NAALADL2: variants seen among roughly 807,000 people sequenced by gnomAD.
NAALADL2 encodes the protein N-acetylated alpha-linked acidic dipeptidase like 2, also known as inactive N-acetylated-alpha-linked acidic dipeptidase-like protein 2.
A neutral mutation model predicts 87.2 loss-of-function variants in NAALADL2; 76 were observed. The ratio of observed to expected loss-of-function variants is 0.87; its 90% CI spans 0.72 to 1.05. NAALADL2 has a LOEUF of 1.05. Ranked by LOEUF, NAALADL2 falls within the 50% of genes least tolerant of loss-of-function variation. The probability of loss-of-function intolerance (pLI) is 0.00; values close to 1 mark genes in which losing one functional copy is unlikely to be tolerated. For missense variants in NAALADL2, 1,089 were observed against 945.8 expected, an observed-to-expected ratio of 1.15 and a Z score of -1.99; for synonymous variants, 354 against 331.0, an observed-to-expected ratio of 1.07 and a Z score of -0.75.
chr3:175,209,280 GA>G (rs910779828), intron 2 of NAALADL2, among the ~76,000 whole-genome samples: 5 of 151,662 alleles, frequency 3.3e-5, no homozygotes, highest in African/African-American at 4.8e-5. Flanking sequence ...GATAAAAGCA[GA>G]AAAAAAAGCA....
At chr3:174,776,547 T>A (rs1232131894) in intron 3 of NAALADL2, among the ~76,000 whole-genome samples, 1 of 152,114 alleles carries the variant, frequency 6.6e-6, no homozygotes, top group African/African-American at 2.4e-5. Context: ...TCATTGTGAA[T>A]TAGGAAACTA....
intron 5 of NAALADL2, among the ~76,000 whole-genome samples, chr3:175,426,328 A>G (rs747979064): frequency 3.3e-5 from 5 of 152,178 alleles, no homozygotes; most frequent in Non-Finnish European, 7.4e-5. Context: ...TGGCCACTGC[A>G]CTCCTGCCTG....
intron 6 of NAALADL2, among the ~76,000 whole-genome samples, chr3:175,448,502 C>A (rs2149226332): frequency 6.6e-6 from 1 of 152,144 alleles, no homozygotes; most frequent in South Asian, 2.1e-4. Context: ...AATACAGAGC[C>A]CCCAATACAT....
At chr3:175,647,666 G>A (rs2149779373) in intron 11 of NAALADL2, among the ~76,000 whole-genome samples, 1 of 152,246 alleles carries the variant, frequency 6.6e-6, no homozygotes, top group South Asian at 2.1e-4. Context: ...TCAGCAGGAA[G>A]CACAACTTAC....
chr3:175,657,851 C>T (rs778151488), intron 11 of NAALADL2, among the ~76,000 whole-genome samples: 3 of 152,050 alleles, frequency 2.0e-5, no homozygotes, highest in Non-Finnish European at 4.4e-5. Flanking sequence ...GCTAGGATTA[C>T]AGGCGTGAGC....
intron 2 of NAALADL2, among the ~76,000 whole-genome samples, chr3:175,108,056 A>T (rs1723528703): frequency 6.6e-6 from 1 of 151,916 alleles, no homozygotes; most frequent in South Asian, 2.1e-4. Context: ...TTCTGTCTTC[A>T]GTAACTGATT....
At chr3:174,766,216 T>A (rs1412225280) in intron 3 of NAALADL2, among the ~76,000 whole-genome samples, 2 of 152,170 alleles carry the variant, frequency 1.3e-5, no homozygotes, top group Non-Finnish European at 2.9e-5. Flanking sequence ...GTTACCTTAT[T>A]GGGCTGGTTT....
chr3:175,358,601 T>C (rs1371526153), intron 5 of NAALADL2, among the ~76,000 whole-genome samples: 3 of 152,114 alleles, frequency 2.0e-5, no homozygotes, highest in East Asian at 3.9e-4. Flanking sequence ...AATTAAGATA[T>C]AGAAATGTTT....
At chr3:174,713,102 A>T (rs375976468) in intron 2 of NAALADL2, among the ~76,000 whole-genome samples, 1 of 152,232 alleles carries the variant, frequency 6.6e-6, no homozygotes, top group African/African-American at 2.4e-5. Flanking sequence ...TGGGTTCCAG[A>T]TTCATCCATG....
chr3:174,750,041 G>A (rs1034921423), intron 3 of NAALADL2, among the ~76,000 whole-genome samples: 2 of 152,076 alleles, frequency 1.3e-5, no homozygotes, highest in African/African-American at 4.8e-5. Context: ...ACAGAAAAAA[G>A]CCTATTTTCT....
intron 13 of NAALADL2, among the ~76,000 whole-genome samples, chr3:175,796,301 T>C (rs557286673): frequency 2.4e-4 from 36 of 152,252 alleles, no homozygotes; most frequent in Middle Eastern, 3.4e-3. Context: ...TGCCTCTTGA[T>C]GGAATGAGCT....
chr3:175,084,569 TATCA>T (rs754156862), intron 1 of NAALADL2, among the ~76,000 whole-genome samples: 2 of 152,336 alleles, frequency 1.3e-5, no homozygotes, highest in Non-Finnish European at 2.9e-5. Flanking sequence ...AATGTCTCAC[TATCA>T]ATCTGCTTAA....
intron 10 of NAALADL2, among the ~76,000 whole-genome samples, chr3:175,617,495 C>T (rs1244699588): frequency 2.6e-5 from 4 of 152,172 alleles, no homozygotes; most frequent in African/African-American, 9.7e-5. Flanking sequence ...CCTAAAGTGC[C>T]TTGGCTTGAC....
At chr3:175,744,798 A>C (rs1745699652) in intron 12 of NAALADL2, among the ~76,000 whole-genome samples, 1 of 152,236 alleles carries the variant, frequency 6.6e-6, no homozygotes, top group Non-Finnish European at 1.5e-5. Flanking sequence ...TTTTAACTTT[A>C]GCTACAATGC....
intron 1 of NAALADL2, among the ~76,000 whole-genome samples, chr3:174,893,503 A>T (rs1234296615): frequency 6.6e-6 from 1 of 152,202 alleles, no homozygotes; most frequent in Non-Finnish European, 1.5e-5. Context: ...TTTTCAAGAC[A>T]TAGTCAGTAC....
At chr3:175,488,704 CTCCATAGAAT>C (rs1440570782) in intron 9 of NAALADL2, among the ~76,000 whole-genome samples, 4 of 152,176 alleles carry the variant, frequency 2.6e-5, no homozygotes, top group Non-Finnish European at 5.9e-5. Context: ...CACATGCCTG[CTCCATAGAAT>C]TCCATTTTTC....
chr3:175,051,464 T>C (rs1316450455), intron 1 of NAALADL2, among the ~76,000 whole-genome samples: 2 of 152,148 alleles, frequency 1.3e-5, no homozygotes, highest in African/African-American at 2.4e-5. Context: ...ATTCAGTTTC[T>C]TGTGGTTATA....
chr3:174,984,972 A>C (rs949153596), intron 1 of NAALADL2, among the ~76,000 whole-genome samples: 1 of 152,204 alleles, frequency 6.6e-6, no homozygotes, highest in African/African-American at 2.4e-5. Flanking sequence ...CATTTTGGTA[A>C]GATGTTAGAA....
chr3:174,880,206 C>A (rs895821512), intron 1 of NAALADL2, among the ~76,000 whole-genome samples: 1 of 152,008 alleles, frequency 6.6e-6, no homozygotes, highest in Admixed American at 6.6e-5. Context: ...ATGTACTCAA[C>A]GTATCTACCT....
Sources: allele counts gnomAD v4.1 joint callset (sites outside exome capture counted in the v4.1 genomes callset), GRCh38; gene constraint gnomAD v4.1.1; transcripts MANE v1.5; gene names NCBI Gene and HGNC (gene_info 2026-07-23, HGNC 2026-07-21).